The following DNAH14 variants were observed in gnomAD, a reference collection of about 807,000 sequenced individuals.
DNAH14 encodes the protein axonemal beta dynein heavy chain 14.
A neutral mutation model predicts 520.9 loss-of-function variants in DNAH14; 478 were observed. The observed-to-expected ratio is 0.92, with a 90% confidence interval of 0.85 to 0.99. The LOEUF (loss-of-function observed/expected upper bound fraction) is 0.99, where lower values mean the gene tolerates loss of function less well. Ranked by LOEUF, DNAH14 falls within the 50% of genes least tolerant of loss-of-function variation. The probability of loss-of-function intolerance (pLI) is 0.00; values close to 1 mark genes in which losing one functional copy is unlikely to be tolerated. For missense variants in DNAH14, 4,831 were observed against 5,234.5 expected (o/e 0.92, Z 2.38); for synonymous variants, 1,581 against 1,757.2 (o/e 0.90, Z 2.51).
At chr1:225,385,200 A>T (rs1288660119) in intron 81 of DNAH14, among the ~76,000 whole-genome samples, 3 of 152,188 alleles carry the variant, frequency 2.0e-5, no homozygotes, top group African/African-American at 7.2e-5. Flanking sequence ...AAAAACTCTC[A>T]ATAAACTAGG....
At chr1:225,222,166 T>C (rs1039414837) in intron 41 of DNAH14, among the ~76,000 whole-genome samples, 9 of 152,156 alleles carry the variant, frequency 5.9e-5, no homozygotes, top group African/African-American at 1.4e-4. Context: ...CAATGGATCA[T>C]GTTGGAACCC....
intron 36 of DNAH14, among the ~76,000 whole-genome samples, chr1:225,180,966 T>A (rs73135013): frequency 6.6e-6 from 1 of 152,156 alleles, no homozygotes; most frequent in African/African-American, 2.4e-5. Flanking sequence ...TTTTCAACCC[T>A]TGCTCCCTTC....
chr1:225,090,655 A>T (rs1205011414), intron 21 of DNAH14, among the ~76,000 whole-genome samples: 1 of 152,186 alleles, frequency 6.6e-6, no homozygotes, highest in African/African-American at 2.4e-5. Context: ...TGCTAGCATA[A>T]TTGAACAATC....
intron 34 of DNAH14, among the ~76,000 whole-genome samples, chr1:225,155,412 TA>T (rs1423951873): frequency 2.6e-5 from 4 of 151,596 alleles, no homozygotes; most frequent in African/African-American, 9.7e-5. Flanking sequence ...TTCTTAAAAA[TA>T]AAAGAACTGA....
At chr1:225,235,405 T>C (rs962921949) in intron 42 of DNAH14, among the ~76,000 whole-genome samples, 3 of 152,258 alleles carry the variant, frequency 2.0e-5, no homozygotes, top group Middle Eastern at 3.4e-3. Flanking sequence ...TTGATTATGG[T>C]GGATAAGCTT....
At chr1:225,375,657 G>A (rs1206422907) in intron 78 of DNAH14, among the ~76,000 whole-genome samples, 1 of 152,022 alleles carries the variant, frequency 6.6e-6, no homozygotes, top group Non-Finnish European at 1.5e-5. Context: ...AGAATGGATA[G>A]CAATGGTCTA....
chr1:225,363,626 G>A (rs2095519027), intron 75 of DNAH14, among the ~76,000 whole-genome samples: 1 of 152,098 alleles, frequency 6.6e-6, no homozygotes, highest in South Asian at 2.1e-4. Flanking sequence ...AGTGGTCCCT[G>A]ACTATCCACA....
At chr1:225,088,124 A>G (rs748724952) in intron 21 of DNAH14, among the ~76,000 whole-genome samples, 4 of 152,214 alleles carry the variant, frequency 2.6e-5, no homozygotes, top group Non-Finnish European at 5.9e-5. Context: ...TCCAGTACAC[A>G]ATAAGGTAAA....
chr1:225,130,471 A>G (rs919869171), intron 27 of DNAH14, among the ~76,000 whole-genome samples: 1 of 152,112 alleles, frequency 6.6e-6, no homozygotes, highest in Non-Finnish European at 1.5e-5. Flanking sequence ...CATATACACC[A>G]TGGAATACTA....
At chr1:225,050,126 A>G (rs2068398755) in intron 15 of DNAH14, 84 bp from the exon 16 acceptor site, 12 of 1,184,288 alleles carry the variant, frequency 1.0e-5, no homozygotes, top group South Asian at 9.8e-5. Context: ...CCCATTTTCA[A>G]TAGTTCTAGA....
At position 225,192,870 on chromosome 1, in the gene DNAH14, A is replaced by G; in HGVS notation, c.5845A>G (p.Ile1949Val). Residue 1949 changes from isoleucine to valine, a missense_variant, in exon 38 of 86, where the codon ATT becomes GTT. Ile to Val is a conservative substitution (Grantham distance 29). Coordinates refer to ENST00000682510, the MANE Select transcript of DNAH14 (RefSeq NM_001367479.1). ...FNTPKNTKKD[I>V]DLRLKSRISD... ...CACACCAAAGAACACAAAGAAAGAC[A>G]TTGATCTCAGACTAAAGTCAAGAAT... 2 of 1,549,842 alleles carry G rather than the reference A, an allele frequency of 1.3e-6. No individual in the cohort carries two copies. The highest frequency in any genetic ancestry group is 1.7e-6 in the Non-Finnish European group (2 of 1,145,932).
chr1:225,335,106 T>A (rs185451923), intron 66 of DNAH14, among the ~76,000 whole-genome samples: 1 of 148,334 alleles, frequency 6.7e-6, no homozygotes, highest in African/African-American at 2.5e-5. Context: ...TATATGTATA[T>A]ATACATATAT....
intron 59 of DNAH14, 107 bp from the exon 60 acceptor site, chr1:225,308,178 A>C: frequency 1.7e-6 from 2 of 1,182,998 alleles, no homozygotes; most frequent in Middle Eastern, 2.7e-4. Context: ...TTTCAGGCTG[A>C]TTTTAGTAAA....
At chr1:225,284,054 G>A (rs1235717375) in intron 54 of DNAH14, among the ~76,000 whole-genome samples, 1 of 151,998 alleles carries the variant, frequency 6.6e-6, no homozygotes. Flanking sequence ...TATTTAAAAA[G>A]AGCAACCTCA....
At chr1:225,325,790 C>T (rs558494964) in intron 64 of DNAH14, among the ~76,000 whole-genome samples, 60 of 150,970 alleles carry the variant, frequency 4.0e-4, no homozygotes, top group Non-Finnish European at 7.2e-4. Flanking sequence ...TTTAAAATTT[C>T]GGGATTTTAC....
chr1:225,248,771 T>C (rs572906754), intron 43 of DNAH14, among the ~76,000 whole-genome samples: 1 of 152,226 alleles, frequency 6.6e-6, no homozygotes, highest in Admixed American at 6.5e-5. Context: ...CTAAAGTCAT[T>C]TATTAGAGTT....
chr1:225,343,729 C>G (rs184625086), intron 69 of DNAH14, among the ~76,000 whole-genome samples: 2 of 152,186 alleles, frequency 1.3e-5, no homozygotes, highest in East Asian at 3.9e-4. Flanking sequence ...CTTTATAACA[C>G]ATGAATAAAT....
intron 41 of DNAH14, among the ~76,000 whole-genome samples, chr1:225,216,230 C>G (rs902870346): frequency 2.6e-5 from 4 of 152,184 alleles, no homozygotes; most frequent in African/African-American, 9.7e-5. Flanking sequence ...GGCTCCCACT[C>G]TCTTCTGGCT....
intron 7 of DNAH14, 40 bp from the exon 8 acceptor site, chr1:224,974,051 G>T: frequency 7.5e-7 from 1 of 1,328,904 alleles, no homozygotes; most frequent in South Asian, 1.6e-5. Context: ...TAAATACGTG[G>T]TTTATGGATA....
Sources: allele counts gnomAD v4.1 joint callset (sites outside exome capture counted in the v4.1 genomes callset), GRCh38; gene constraint gnomAD v4.1.1; transcripts MANE v1.5; gene names NCBI Gene and HGNC (gene_info 2026-07-23, HGNC 2026-07-21).